EYS: variants seen among roughly 807,000 people sequenced by gnomAD.
EYS encodes the protein protein eyes shut homolog.
EYS carries 250 observed loss-of-function variants against 282.1 expected under a neutral mutation model. The observed-to-expected ratio is 0.89, with a 90% CI of 0.80 to 0.98. The LOEUF is 0.98. Among genes scored for constraint, EYS ranks in the 50% least tolerant of loss-of-function variants. The pLI is 0.00. For missense variants in EYS, 4,016 were observed against 3,709.0 expected, an observed-to-expected ratio of 1.08 and a Z score of -2.15; for synonymous variants, 1,355 against 1,282.9, an observed-to-expected ratio of 1.06 and a Z score of -1.20.
chr6:65,266,277 T>A (rs979310334), intron 12 of EYS, among the ~76,000 whole-genome samples: 1 of 151,890 alleles, frequency 6.6e-6, no homozygotes, highest in Admixed American at 6.6e-5. Flanking sequence ...TAGGGGACCA[T>A]ACAGACTTTA....
At chr6:65,628,426 A>G (rs1582540282) in intron 2 of EYS, among the ~76,000 whole-genome samples, 1 of 152,316 alleles carries the variant, frequency 6.6e-6, no homozygotes, top group Admixed American at 6.5e-5. Flanking sequence ...ATAAGAGAAT[A>G]AAAGCAGGCT....
At chr6:65,546,604 C>T (rs1469343616) in intron 2 of EYS, among the ~76,000 whole-genome samples, 1 of 149,456 alleles carries the variant, frequency 6.7e-6, no homozygotes, top group African/African-American at 2.4e-5. Flanking sequence ...TTTTTTGAGA[C>T]AGAGCCTTGC....
At chr6:64,242,438 T>G (rs1223283160) in intron 30 of EYS, among the ~76,000 whole-genome samples, 1 of 84,108 alleles carries the variant, frequency 1.2e-5, no homozygotes, top group South Asian at 3.9e-4. Flanking sequence ...AAATTCTAAG[T>G]TTTTTTTGTT....
chr6:63,984,435 G>A lies in EYS; in HGVS notation c.7003C>T (p.His2335Tyr), dbSNP rs1343612158. 2.6e-6 allele frequency: 4 copies of A among 1,549,640 alleles called. No homozygotes were observed. The highest frequency in any genetic ancestry group is 3.5e-6 in the Non-Finnish European group (4 of 1,145,586). Residue 2335 changes from histidine (H) to tyrosine (Y), a missense_variant, in exon 35 of 43, where the codon CAC (histidine) becomes TAC (tyrosine). Coordinates refer to ENST00000503581, the MANE Select transcript of EYS (RefSeq NM_001142800.2). ...ARHGKNIENCHVPWCAHHLCR... is the reference protein window; with the variant it reads ...ARHGKNIENCYVPWCAHHLCR... ...AGATGATGAGCACACCAAGGGACGT[G>A]GCAGTTCTCAATATTCTTTCCATGT...
chr6:65,581,364 C>A (rs1764863179), intron 2 of EYS, among the ~76,000 whole-genome samples: 1 of 151,990 alleles, frequency 6.6e-6, no homozygotes, highest in African/African-American at 2.4e-5. Context: ...AGCCACTTAA[C>A]AAAAATTAAT....
At chr6:65,031,158 T>TATAC (rs1554143854) in intron 13 of EYS, among the ~76,000 whole-genome samples, 13,760 of 141,772 alleles carry the variant, frequency 0.097, 848 homozygotes, top group South Asian at 0.16. Context: ...TATATATATA[T>TATAC]ACACACACAC....
rs141714714 is a variant in EYS at position 64,947,862 on chromosome 6, T to G, written c.2260-1948A>C. The stretch of plus-strand genomic sequence containing the variant: ...ATCTTCGGGACATGCCCATTCGTTA[T>G]GTTCTGAAATTTCTCATATTATGGG... On this transcript the variant is annotated intron_variant, in intron 14 of 42. Coordinates refer to ENST00000503581, the MANE Select transcript of EYS (RefSeq NM_001142800.2). 2.6e-3 allele frequency among the ~76,000 whole-genome samples: 389 copies of G among 151,908 alleles called. 4 individuals carry two copies. The highest frequency in any genetic ancestry group is 4.0e-3 in the Admixed American group (61 of 15,194).
chr6:65,510,271 G>C (rs1038767539), intron 2 of EYS, among the ~76,000 whole-genome samples: 2 of 147,618 alleles, frequency 1.4e-5, no homozygotes, highest in Admixed American at 6.9e-5. Context: ...GCGGTGTTTG[G>C]TTTTTTGTTC....
chr6:65,083,083 G>T (rs1018777978), intron 12 of EYS, among the ~76,000 whole-genome samples: 2 of 151,876 alleles, frequency 1.3e-5, no homozygotes, highest in African/African-American at 2.4e-5. Flanking sequence ...ACATTGTTTA[G>T]AGTAGTTTCC....
intron 26 of EYS, among the ~76,000 whole-genome samples, chr6:64,451,053 GCAGTGAATC>G (rs1775316175): frequency 6.6e-6 from 1 of 151,776 alleles, no homozygotes; most frequent in Admixed American, 6.6e-5. Context: ...CTTCAAAAAA[GCAGTGAATC>G]CAGGAGCTGG....
At position 64,436,208 on chromosome 6, in the gene EYS, C is replaced by T. The variant is rs967520282; in HGVS notation, c.5893G>A (p.Val1965Met). 4 of 1,544,614 alleles carry T rather than the reference C, an allele frequency of 2.6e-6. No homozygotes were observed. Among genetic ancestry groups the T allele is most frequent in the African/African-American group, 1.4e-5 (1 of 72,822 alleles). ...AGTGTATACTTTTGCCCGTTGTCCA[C>T]TCTAACAGTAGTATTAATGCTTTTA... The part of the protein sequence containing the change: ...KFKSINTTVR[V>M]DNGQKYTLLI... Residue 1965 changes from valine to methionine, a missense_variant, in exon 28 of 43, where the codon GTG becomes ATG. Transcript: ENST00000503581.
At chr6:64,314,112 T>C (rs985220940) in intron 29 of EYS, among the ~76,000 whole-genome samples, 8 of 143,132 alleles carry the variant, frequency 5.6e-5, no homozygotes, top group Non-Finnish European at 1.2e-4. Context: ...TGTGCTGTAT[T>C]CAGGAGACCC....
At chr6:64,081,788 A>G in intron 32 of EYS, 68 bp downstream of exon 32, 1 of 1,227,700 alleles carries the variant, frequency 8.1e-7, no homozygotes, top group Non-Finnish European at 1.1e-6. Context: ...TGAATAAATC[A>G]TTGATTCAAT....
intron 2 of EYS, among the ~76,000 whole-genome samples, chr6:65,560,385 T>G (rs573337415): frequency 6.8e-6 from 1 of 147,150 alleles, no homozygotes; most frequent in South Asian, 2.1e-4. Context: ...TATTATATAT[T>G]GTATATAATA....
chr6:64,150,612 T>A (rs1774669197), intron 31 of EYS, among the ~76,000 whole-genome samples: 1 of 152,172 alleles, frequency 6.6e-6, no homozygotes, highest in Admixed American at 6.5e-5. Context: ...ATATCATAAA[T>A]TACCTCATAA....
At chr6:65,174,182 C>T (rs551683630) in intron 12 of EYS, among the ~76,000 whole-genome samples, 1 of 151,260 alleles carries the variant, frequency 6.6e-6, no homozygotes, top group African/African-American at 2.4e-5. Context: ...CTTATAATGA[C>T]CACTTTCTTA....
At position 64,406,132 on chromosome 6, in the gene EYS, T is replaced by C. The variant is rs1001373511; in HGVS notation, c.5928-17292A>G. On this transcript the variant is annotated intron_variant, in intron 28 of 42. Coordinates refer to ENST00000503581, the MANE Select transcript of EYS (RefSeq NM_001142800.2). The stretch of plus-strand genomic sequence containing the variant: ...CAGATATGTATAGACCAGTGGAACA[T>C]AACAGAGGCCTCAGAAATACCACCA... 7.9e-5 allele frequency among the ~76,000 whole-genome samples: 12 copies of C among 151,958 alleles called. No homozygotes were observed. The East Asian group carries it at 1.2e-3, about 15-fold the overall frequency.
chr6:63,887,088 C>T (rs770848610), intron 35 of EYS, among the ~76,000 whole-genome samples: 1 of 152,224 alleles, frequency 6.6e-6, no homozygotes. Flanking sequence ...CCTAGAAACA[C>T]ATTGACAGAA....
intron 19 of EYS, among the ~76,000 whole-genome samples, chr6:64,835,660 T>C (rs533525451): frequency 3.1e-4 from 47 of 151,624 alleles, no homozygotes; most frequent in Non-Finnish European, 5.5e-4. Flanking sequence ...ATATACAACC[T>C]CTTGAAGATC....
Sources: allele counts gnomAD v4.1 joint callset (sites outside exome capture counted in the v4.1 genomes callset), GRCh38; gene constraint gnomAD v4.1.1; transcripts MANE v1.5; gene names NCBI Gene and HGNC (gene_info 2026-07-23, HGNC 2026-07-21).